HS6ST3: variants seen among roughly 807,000 people sequenced by gnomAD.
The protein encoded by HS6ST3 is heparan sulfate 6-O-sulfotransferase 3.
A neutral mutation model predicts 36.7 loss-of-function variants in HS6ST3; 12 were observed. That is an observed-to-expected ratio of 0.33 (90% CI 0.21 to 0.53). The LOEUF (loss-of-function observed/expected upper bound fraction) is 0.53. Among genes scored for constraint, HS6ST3 ranks in the 20% least tolerant of loss-of-function variants. HS6ST3 has a pLI of 0.95. For synonymous variants in HS6ST3, 240 were observed against 257.5 expected (o/e 0.93, Z 0.65); for missense variants, 584 against 640.9 (o/e 0.91, Z 0.96).
chr13:96,107,984 C>T (rs2053849712), intron 1 of HS6ST3, among the ~76,000 whole-genome samples: 1 of 152,042 alleles, frequency 6.6e-6, no homozygotes, highest in Non-Finnish European at 1.5e-5. Flanking sequence ...GAAATCTGGG[C>T]ACCTTGAAAA....
At position 96,090,826 on chromosome 13, in the gene HS6ST3, C is replaced by A; in HGVS notation, c.-37C>A. ...GCGCCCGTCCGCCCTGCCGCCGCCG[C>A]CGCCGCCGCTTCGCCTGCCGGCCTG... On this transcript the variant is annotated 5_prime_UTR_variant, in exon 1 of 2. Transcript: ENST00000376705. 1 of 1,460,914 alleles carries A rather than the reference C, an allele frequency of 6.8e-7. No homozygotes were observed. Among genetic ancestry groups the A allele is most frequent in the Non-Finnish European group, 9.1e-7 (1 of 1,101,730 alleles). 90.5% of individuals were successfully genotyped at this position (1,460,914 alleles called of 1,614,324 possible). A position where few individuals can be genotyped will look rare whatever the true frequency, so the allele number is the denominator to read the frequency against.
intron 1 of HS6ST3, among the ~76,000 whole-genome samples, chr13:96,342,027 T>C (rs2055133095): frequency 6.6e-6 from 1 of 152,116 alleles, no homozygotes; most frequent in African/African-American, 2.4e-5. Context: ...CATATCTGTG[T>C]GTACTTTTCT....
intron 1 of HS6ST3, among the ~76,000 whole-genome samples, chr13:96,684,676 C>T (rs960170542): frequency 6.6e-6 from 1 of 152,052 alleles, no homozygotes; most frequent in African/African-American, 2.4e-5. Flanking sequence ...CATCCTTTCA[C>T]TTAATATCCT....
At chr13:96,257,932 C>T (rs1295202320) in intron 1 of HS6ST3, among the ~76,000 whole-genome samples, 1 of 152,040 alleles carries the variant, frequency 6.6e-6, no homozygotes, top group East Asian at 1.9e-4. Context: ...GTCATTTTTT[C>T]CTTTGCTTTA....
Position 96,091,169 on chromosome 13 carries a change from G to A in HS6ST3, c.307G>A (p.Glu103Lys). 6.5e-7 allele frequency: 1 copy of A among 1,547,364 alleles called. No homozygotes were observed. Reference sequence around the variant, plus strand: ...GCCCGGAGACCCCCGGGAGGGGGAGGAAGAGGAGGAGGAAGACGAGCCGGA... The same window carrying A: ...GCCCGGAGACCCCCGGGAGGGGGAGAAAGAGGAGGAGGAAGACGAGCCGGA... The part of the protein sequence containing the change: ...EEPGDPREGE[E>K]EEEEDEPDPE... Residue 103 changes from glutamate (E) to lysine (K), a missense_variant, in exon 1 of 2, where the codon GAA (glutamate) becomes AAA (lysine). This residue lies in a region of HS6ST3 where 217 missense variants were observed against 205.4 expected (regional missense o/e 1.06). Transcript: ENST00000376705.
At chr13:96,281,292 C>A (rs1472286573) in intron 1 of HS6ST3, among the ~76,000 whole-genome samples, 1 of 152,192 alleles carries the variant, frequency 6.6e-6, no homozygotes, top group Non-Finnish European at 1.5e-5. Context: ...GCGTGAGCCA[C>A]CGCGCCTAGC....
intron 1 of HS6ST3, among the ~76,000 whole-genome samples, chr13:96,668,436 A>G (rs1227696105): frequency 6.6e-6 from 1 of 152,140 alleles, no homozygotes; most frequent in Non-Finnish European, 1.5e-5. Context: ...GCTAAAGCAC[A>G]TGCTCAAATG....
intron 1 of HS6ST3, among the ~76,000 whole-genome samples, chr13:96,102,002 G>A (rs1026216530): frequency 7.2e-5 from 11 of 152,152 alleles, no homozygotes; most frequent in Non-Finnish European, 1.6e-4. Flanking sequence ...GGCTATGAAA[G>A]TTATTAGTTC....
chr13:96,595,974 T>G (rs1040605795), intron 1 of HS6ST3, among the ~76,000 whole-genome samples: 5 of 152,184 alleles, frequency 3.3e-5, no homozygotes, highest in African/African-American at 1.2e-4. Context: ...GCTTTGGAAA[T>G]ACACGTGGTT....
chr13:96,501,676 C>T (rs1198341268), intron 1 of HS6ST3, among the ~76,000 whole-genome samples: 4 of 152,192 alleles, frequency 2.6e-5, no homozygotes, highest in Non-Finnish European at 5.9e-5. Flanking sequence ...TGCCTTTTCC[C>T]AAAATGAGAC....
intron 1 of HS6ST3, among the ~76,000 whole-genome samples, chr13:96,304,030 TTA>T (rs2054896519): frequency 6.6e-6 from 1 of 151,804 alleles, no homozygotes; most frequent in Non-Finnish European, 1.5e-5. Flanking sequence ...GTAGTTCCAG[TTA>T]CGGGGGAGGC....
intron 1 of HS6ST3, among the ~76,000 whole-genome samples, chr13:96,442,912 C>A (rs558671324): frequency 4.7e-4 from 71 of 151,926 alleles, no homozygotes; most frequent in African/African-American, 1.7e-3. Flanking sequence ...CATGAATATC[C>A]TAAATTACAT....
intron 1 of HS6ST3, among the ~76,000 whole-genome samples, chr13:96,437,857 G>A (rs1003708924): frequency 3.3e-5 from 5 of 152,204 alleles, no homozygotes; most frequent in Admixed American, 6.5e-5. Context: ...CCCAACTGGG[G>A]ATACTCTTCA....
At chr13:96,334,273 G>A (rs1174313830) in intron 1 of HS6ST3, among the ~76,000 whole-genome samples, 4 of 152,080 alleles carry the variant, frequency 2.6e-5, no homozygotes, top group Admixed American at 6.5e-5. Context: ...CATGGGGGTG[G>A]ATCCTCCCAA....
At chr13:96,728,830 A>G (rs1246786383) in intron 1 of HS6ST3, among the ~76,000 whole-genome samples, 2 of 152,138 alleles carry the variant, frequency 1.3e-5, no homozygotes, top group African/African-American at 2.4e-5. Flanking sequence ...CTACCATTCA[A>G]TTTCCAACCA....
chr13:96,147,435 A>G (rs552712673), intron 1 of HS6ST3, among the ~76,000 whole-genome samples: 13 of 152,364 alleles, frequency 8.5e-5, no homozygotes, highest in African/African-American at 2.9e-4. Context: ...AGGTCCTGCA[A>G]TAAGTTGTTT....
rs570250603 is a variant in HS6ST3, at chr13:96,705,625, G to C, written c.708-126865G>C. Among the ~76,000 whole-genome samples, 10 of 152,276 alleles carry C rather than the reference G, an allele frequency of 6.6e-5. No homozygotes were observed. The South Asian group carries it at 2.1e-3, about 32-fold the overall frequency. On this transcript the variant is annotated intron_variant, in intron 1 of 1. Transcript: ENST00000376705. ...GAAACTTGAAGGTGGGTTACTTCCA[G>C]CTCAAGCTTCACCATCCTCTCCCTA...
chr13:96,143,586 G>A (rs117399169), intron 1 of HS6ST3, among the ~76,000 whole-genome samples: 2,245 of 151,810 alleles, frequency 0.015, 28 homozygotes, highest in Non-Finnish European at 0.02. Context: ...ATAATACTAT[G>A]ATTTAAGTCC....
At chr13:96,656,358 A>T (rs2139015983) in intron 1 of HS6ST3, among the ~76,000 whole-genome samples, 1 of 152,290 alleles carries the variant, frequency 6.6e-6, no homozygotes, top group South Asian at 2.1e-4. Context: ...GTTATGTCAC[A>T]TACCCTTTTT....
Sources: allele counts gnomAD v4.1 joint callset (sites outside exome capture counted in the v4.1 genomes callset), GRCh38; gene constraint gnomAD v4.1.1; regional missense constraint gnomAD v4.1.1; transcripts MANE v1.5; gene names NCBI Gene and HGNC (gene_info 2026-07-23, HGNC 2026-07-21).